Variants in KCNB2 observed in about 807,000 individuals in gnomAD.
The protein encoded by KCNB2 is delayed rectifier potassium channel protein.
A neutral mutation model predicts 61.5 loss-of-function variants in KCNB2; 15 were observed. The observed-to-expected ratio is 0.24, with a 90% CI of 0.16 to 0.38. The LOEUF is 0.38. Ranked by LOEUF, KCNB2 falls within the 10% of genes least tolerant of loss-of-function variation. KCNB2 has a pLI of 1.00. For synonymous variants in KCNB2, 457 were observed against 446.0 expected (o/e 1.02, Z -0.31); for missense variants, 828 against 1,125.2 (o/e 0.74, Z 3.78).
rs547146413 is a variant in KCNB2 at position 72,734,389 on chromosome 8, C to T, written c.579+166076C>T. 4.6e-5 allele frequency among the ~76,000 whole-genome samples: 7 copies of T among 152,152 alleles called. No homozygotes were observed. In the South Asian group the frequency reaches 1.4e-3, roughly 32 times the overall value. On this transcript the variant is annotated intron_variant, in intron 2 of 2. Coordinates refer to ENST00000523207, the MANE Select transcript of KCNB2 (RefSeq NM_004770.3). Reference sequence around the variant, plus strand: ...CTCAGACTGGTTCACTTAGAATCCCCTAGTTCTTTCCAAAGAGCATGTATA... The same window carrying T: ...CTCAGACTGGTTCACTTAGAATCCCTTAGTTCTTTCCAAAGAGCATGTATA...
chr8:72,853,016 G>T (rs558160034), intron 2 of KCNB2, among the ~76,000 whole-genome samples: 2 of 152,272 alleles, frequency 1.3e-5, no homozygotes, highest in South Asian at 4.1e-4. Context: ...GAAATCATTG[G>T]TTTCTATTCA....
intron 2 of KCNB2, among the ~76,000 whole-genome samples, chr8:72,905,421 T>G (rs778779870): frequency 2.0e-5 from 3 of 152,032 alleles, no homozygotes; most frequent in Non-Finnish European, 2.9e-5. Flanking sequence ...AAAATAAACA[T>G]GAAATTCAGA....
chr8:72,643,902 G>A (rs1806091200), intron 2 of KCNB2, among the ~76,000 whole-genome samples: 1 of 152,114 alleles, frequency 6.6e-6, no homozygotes, highest in South Asian at 2.1e-4. Flanking sequence ...CAGAAAGGGA[G>A]TTTAAACTTT....
At chr8:72,888,512 G>A (rs190835680) in intron 2 of KCNB2, among the ~76,000 whole-genome samples, 3 of 152,168 alleles carry the variant, frequency 2.0e-5, no homozygotes, top group East Asian at 1.9e-4. Context: ...TAAAATTCTC[G>A]GAGAAACAAG....
chr8:72,644,366 T>C (rs1806098101), intron 2 of KCNB2, among the ~76,000 whole-genome samples: 1 of 152,174 alleles, frequency 6.6e-6, no homozygotes, highest in African/African-American at 2.4e-5. Context: ...TTCTATCCTA[T>C]GCTACTTATC....
chr8:72,920,488 T>TGTGTGTATATATATATATATATA (rs57048446), intron 2 of KCNB2, among the ~76,000 whole-genome samples: 2 of 137,266 alleles, frequency 1.5e-5, no homozygotes, highest in South Asian at 2.3e-4. Flanking sequence ...TATATATATA[T>TGTGTGTATATATATATATATATA]TAGCTGGCCA....
At chr8:72,696,694 C>T (rs1807023404) in intron 2 of KCNB2, among the ~76,000 whole-genome samples, 1 of 152,134 alleles carries the variant, frequency 6.6e-6, no homozygotes, top group East Asian at 1.9e-4. Flanking sequence ...TTGGATTCTG[C>T]TGTATTATCT....
chr8:72,758,354 G>C (rs1031083686), intron 2 of KCNB2, among the ~76,000 whole-genome samples: 2 of 152,216 alleles, frequency 1.3e-5, no homozygotes, highest in Admixed American at 6.5e-5. Flanking sequence ...AAACAGCATT[G>C]TGAGATCCAT....
At chr8:72,647,654 A>T (rs1806150453) in intron 2 of KCNB2, among the ~76,000 whole-genome samples, 1 of 152,098 alleles carries the variant, frequency 6.6e-6, no homozygotes, top group Non-Finnish European at 1.5e-5. Flanking sequence ...CACAGAGGTG[A>T]CTGGGTCTTT....
intron 2 of KCNB2, among the ~76,000 whole-genome samples, chr8:72,873,798 T>A (rs1805657429): frequency 6.6e-6 from 1 of 152,252 alleles, no homozygotes; most frequent in Non-Finnish European, 1.5e-5. Context: ...AATTCACATC[T>A]TCTGCTATAA....
intron 2 of KCNB2, among the ~76,000 whole-genome samples, chr8:72,657,394 T>A (rs1480046583): frequency 6.6e-6 from 1 of 152,176 alleles, no homozygotes; most frequent in Non-Finnish European, 1.5e-5. Context: ...CATATTAATC[T>A]TAAGTGTAGC....
At position 72,718,557 on chromosome 8, in the gene KCNB2, C is replaced by T. The variant is rs552059874; in HGVS notation, c.579+150244C>T. Among the ~76,000 whole-genome samples, 9 of 151,346 alleles carry T rather than the reference C, an allele frequency of 5.9e-5. No homozygotes were observed. In the South Asian group the frequency reaches 1.5e-3, roughly 25 times the overall value. The stretch of plus-strand genomic sequence containing the variant: ...GAAACCATCATTCTCAGCAAACTTT[C>T]GCAAGGACAAAAAACCAAACACCGC... On this transcript the variant is annotated intron_variant, in intron 2 of 2. Coordinates refer to ENST00000523207, the MANE Select transcript of KCNB2 (RefSeq NM_004770.3).
chr8:72,658,866 T>TA (rs1269300832), intron 2 of KCNB2, among the ~76,000 whole-genome samples: 1 of 152,198 alleles, frequency 6.6e-6, no homozygotes, highest in African/African-American at 2.4e-5. Context: ...CAATTTTAAG[T>TA]ACACTGTTGA....
chr8:72,778,149 T>C (rs1808687630), intron 2 of KCNB2, among the ~76,000 whole-genome samples: 1 of 152,208 alleles, frequency 6.6e-6, no homozygotes, highest in Admixed American at 6.5e-5. Flanking sequence ...CTACCATCAC[T>C]TGCTGTGTGA....
At chr8:72,677,448 C>T (rs1487298155) in intron 2 of KCNB2, among the ~76,000 whole-genome samples, 6 of 152,206 alleles carry the variant, frequency 3.9e-5, no homozygotes, top group African/African-American at 1.4e-4. Context: ...CTGTAAGCCA[C>T]CTCCAGCTAT....
intron 2 of KCNB2, among the ~76,000 whole-genome samples, chr8:72,826,805 C>T (rs1432479252): frequency 6.6e-6 from 1 of 152,124 alleles, no homozygotes; most frequent in East Asian, 1.9e-4. Context: ...GATTAAAATC[C>T]AAAGCACTCT....
chr8:72,919,124 G>A (rs1806453640), intron 2 of KCNB2, among the ~76,000 whole-genome samples: 1 of 152,192 alleles, frequency 6.6e-6, no homozygotes, highest in East Asian at 1.9e-4. Flanking sequence ...GTTTATATAT[G>A]TAAATGCATG....
chr8:72,801,418 A>T (rs1266145410), intron 2 of KCNB2, among the ~76,000 whole-genome samples: 1 of 152,236 alleles, frequency 6.6e-6, no homozygotes, highest in Non-Finnish European at 1.5e-5. Context: ...TACCCATTGT[A>T]GTTCAGGTTT....
intron 2 of KCNB2, among the ~76,000 whole-genome samples, chr8:72,919,085 A>AT (rs1806452844): frequency 6.6e-6 from 1 of 152,256 alleles, no homozygotes; most frequent in Non-Finnish European, 1.5e-5. Context: ...ATTTATCAGT[A>AT]TTATCATCTC....
Sources: gnomAD v4.1 joint callset for allele counts (sites outside exome capture counted in the v4.1 genomes callset) on GRCh38, gnomAD v4.1.1 for gene constraint, MANE v1.5 for transcripts, NCBI Gene and HGNC (gene_info 2026-07-23, HGNC 2026-07-21) for gene names.